The following CDK17 variants were observed in gnomAD, a reference collection of about 807,000 sequenced individuals.
The protein encoded by CDK17 is cyclin dependent kinase 17, also known as cyclin-dependent kinase 17.
Under a neutral mutation model 77.6 loss-of-function variants are expected in CDK17, and 24 were observed. That is an observed-to-expected ratio of 0.31 (90% CI 0.22 to 0.44). The LOEUF (loss-of-function observed/expected upper bound fraction) is 0.44, where lower values mean the gene tolerates loss of function less well. CDK17 is among the 20% of genes least tolerant of loss of function. CDK17 has a pLI of 1.00. For synonymous variants in CDK17, 203 were observed against 210.4 expected (o/e 0.96, Z 0.30); for missense variants, 429 against 622.5 (o/e 0.69, Z 3.31).
At chr12:96,336,271 G>T (rs888432275) in intron 1 of CDK17, among the ~76,000 whole-genome samples, 2 of 152,054 alleles carry the variant, frequency 1.3e-5, no homozygotes, top group African/African-American at 4.8e-5. Flanking sequence ...AGACCAGCCT[G>T]GAAAACAGCG....
At chr12:96,330,747 T>A (rs950368996) in intron 2 of CDK17, among the ~76,000 whole-genome samples, 1 of 152,216 alleles carries the variant, frequency 6.6e-6, no homozygotes, top group Non-Finnish European at 1.5e-5. Context: ...TATCCATTCA[T>A]CTGTTGATGG....
chr12:96,298,573 ATTTAG>A (rs1487000209), intron 7 of CDK17, among the ~76,000 whole-genome samples: 2 of 152,094 alleles, frequency 1.3e-5, no homozygotes, highest in Non-Finnish European at 2.9e-5. Flanking sequence ...TTTTTAATTT[ATTTAG>A]TTTATCTGGT....
At chr12:96,381,958 T>C (rs538367803) in intron 1 of CDK17, among the ~76,000 whole-genome samples, 26 of 152,158 alleles carry the variant, frequency 1.7e-4, no homozygotes, top group Admixed American at 3.9e-4. Context: ...CTAAAACCAA[T>C]GATCAAAAGC....
At chr12:96,280,641 C>A in intron 16 of CDK17, 167 bp downstream of exon 16, 1 of 1,426,836 alleles carries the variant, frequency 7.0e-7, no homozygotes, top group Non-Finnish European at 9.1e-7. Flanking sequence ...GAGCTGCCCA[C>A]ATCATACAGA....
chr12:96,338,513 C>T (rs941081775), intron 1 of CDK17, among the ~76,000 whole-genome samples: 5 of 152,150 alleles, frequency 3.3e-5, no homozygotes, highest in African/African-American at 1.2e-4. Flanking sequence ...TAACTACCAA[C>T]ATTTCGGACT....
chr12:96,289,941 T>TGTCC (rs1218187993), intron 10 of CDK17, among the ~76,000 whole-genome samples: 3 of 152,184 alleles, frequency 2.0e-5, no homozygotes, highest in Non-Finnish European at 4.4e-5. Flanking sequence ...GGGTGTCCAA[T>TGTCC]CTTTTAGCTT....
chr12:96,303,370 T>C (rs2137091289), intron 5 of CDK17: 2 of 152,304 alleles, frequency 1.3e-5, no homozygotes, highest in East Asian at 3.9e-4. Flanking sequence ...ATGTTGTTGT[T>C]CCAGTCTCTG....
intron 1 of CDK17, among the ~76,000 whole-genome samples, chr12:96,391,701 T>C (rs1954071388): frequency 1.3e-5 from 2 of 152,208 alleles, no homozygotes; most frequent in Non-Finnish European, 2.9e-5. Flanking sequence ...TATATTTCCA[T>C]TTTGTCTAAA....
chr12:96,305,303 C>T (rs1952563425), intron 5 of CDK17, among the ~76,000 whole-genome samples: 1 of 152,100 alleles, frequency 6.6e-6, no homozygotes, highest in African/African-American at 2.4e-5. Context: ...AAAAACAACA[C>T]TGACAAAAAA....
intron 1 of CDK17, chr12:96,387,294 G>A (rs977203475): frequency 5.8e-6 from 1 of 173,034 alleles, no homozygotes; most frequent in African/African-American, 2.4e-5. Context: ...TAAATTTAAT[G>A]TATGAGTGGT....
At chr12:96,349,240 G>T (rs1278589951) in intron 1 of CDK17, among the ~76,000 whole-genome samples, 2 of 152,154 alleles carry the variant, frequency 1.3e-5, no homozygotes, top group Non-Finnish European at 2.9e-5. Flanking sequence ...GATCACCTGA[G>T]GTCAGGCGTT....
chr12:96,314,906 C>T (rs766119784), intron 3 of CDK17, among the ~76,000 whole-genome samples: 1 of 152,182 alleles, frequency 6.6e-6, no homozygotes, highest in African/African-American at 2.4e-5. Context: ...CTTTTCTAAT[C>T]TCAGACACAG....
At chr12:96,339,250 G>A (rs1036300966) in intron 1 of CDK17, among the ~76,000 whole-genome samples, 5 of 152,122 alleles carry the variant, frequency 3.3e-5, no homozygotes, top group Non-Finnish European at 7.3e-5. Flanking sequence ...GCACAGAACT[G>A]AGCTATCCAA....
intron 1 of CDK17, among the ~76,000 whole-genome samples, chr12:96,371,274 T>C (rs964826714): frequency 3.3e-5 from 5 of 152,108 alleles, no homozygotes; most frequent in African/African-American, 7.2e-5. Context: ...TGAAGAGGAA[T>C]GTCACAGAAC....
At chr12:96,366,573 G>C (rs1450060548) in intron 1 of CDK17, among the ~76,000 whole-genome samples, 3 of 152,174 alleles carry the variant, frequency 2.0e-5, no homozygotes, top group Non-Finnish European at 4.4e-5. Context: ...TAAAAAATCA[G>C]TTCGTAGTAC....
chr12:96,330,069 G>T (rs544278780), intron 2 of CDK17, among the ~76,000 whole-genome samples: 1 of 152,128 alleles, frequency 6.6e-6, no homozygotes, highest in Non-Finnish European at 1.5e-5. Context: ...TAGTATATGT[G>T]CAATAAAACA....
At chr12:96,307,058 G>A (rs1196589004) in intron 5 of CDK17, among the ~76,000 whole-genome samples, 2 of 152,186 alleles carry the variant, frequency 1.3e-5, no homozygotes, top group Non-Finnish European at 2.9e-5. Flanking sequence ...CACTTTGGGA[G>A]GCTGTGGCAG....
chr12:96,282,626 T>G, intron 14 of CDK17, 27 bp from the exon 15 acceptor site: 1 of 1,480,560 alleles, frequency 6.8e-7, no homozygotes, highest in African/African-American at 1.4e-5. Context: ...AACTGCTTCA[T>G]TAGCTTTTTC....
chr12:96,311,497 CTG>C (rs944438662), intron 4 of CDK17, among the ~76,000 whole-genome samples: 2 of 147,540 alleles, frequency 1.4e-5, no homozygotes, highest in African/African-American at 2.5e-5. Context: ...ACCACAAACT[CTG>C]TGATCAGTTT....
Sources: allele counts gnomAD v4.1 joint callset (sites outside exome capture counted in the v4.1 genomes callset), GRCh38; gene constraint gnomAD v4.1.1; transcripts MANE v1.5; gene names NCBI Gene and HGNC (gene_info 2026-07-23, HGNC 2026-07-21).